The following NRG3 variants were observed in gnomAD, a reference collection of about 807,000 sequenced individuals.
The protein encoded by NRG3 is pro-neuregulin-3, membrane-bound isoform.
In NRG3, 31 loss-of-function variants were observed where a neutral mutation model predicts 66.9. The ratio of observed to expected loss-of-function variants is 0.46; its 90% confidence interval spans 0.35 to 0.63. The LOEUF (loss-of-function observed/expected upper bound fraction) is 0.63. Among genes scored for constraint, NRG3 ranks in the 20% least tolerant of loss-of-function variants. The pLI is 0.00. For synonymous variants in NRG3, 393 were observed against 359.4 expected (o/e 1.09, Z -1.06); for missense variants, 910 against 878.9 (o/e 1.04, Z -0.45).
intron 1 of NRG3, among the ~76,000 whole-genome samples, chr10:82,278,705 G>A (rs6584612): frequency 0.48 from 72,206 of 151,926 alleles, 20,724 homozygotes; most frequent in African/African-American, 0.81. Flanking sequence ...CTTTGTTCTG[G>A]TCCTTTTCTC....
intron 2 of NRG3, among the ~76,000 whole-genome samples, chr10:82,431,405 G>A (rs111856853): frequency 1.8e-3 from 274 of 152,288 alleles, no homozygotes; most frequent in African/African-American, 6.2e-3. Context: ...GAATGAGAAT[G>A]CAGTTAGTGA....
chr10:82,395,790 A>C (rs1248730115), intron 2 of NRG3, among the ~76,000 whole-genome samples: 1 of 152,196 alleles, frequency 6.6e-6, no homozygotes, highest in Non-Finnish European at 1.5e-5. Context: ...AACATGACCA[A>C]TTAAAGCTGA....
intron 2 of NRG3, among the ~76,000 whole-genome samples, chr10:82,428,255 C>A (rs1020741138): frequency 1.3e-5 from 2 of 151,558 alleles, no homozygotes; most frequent in Admixed American, 6.6e-5. Context: ...CTTATTTCTC[C>A]ACTTTCTTAA....
At chr10:81,883,854 T>C (rs1386744562) in intron 1 of NRG3, among the ~76,000 whole-genome samples, 2 of 152,308 alleles carry the variant, frequency 1.3e-5, no homozygotes, top group South Asian at 2.1e-4. Context: ...CTTTTAGTAA[T>C]GTAGAAGGAT....
At chr10:82,676,545 A>G (rs1035490739) in intron 2 of NRG3, among the ~76,000 whole-genome samples, 3 of 151,954 alleles carry the variant, frequency 2.0e-5, no homozygotes, top group Non-Finnish European at 4.4e-5. Context: ...GTGCAGTGGC[A>G]CAATCTTGGC....
chr10:82,082,106 G>T (rs550898457), intron 1 of NRG3, among the ~76,000 whole-genome samples: 109 of 152,200 alleles, frequency 7.2e-4, no homozygotes, highest in African/African-American at 2.5e-3. Flanking sequence ...TTAACCTAAG[G>T]TTGTGTCATC....
intron 2 of NRG3, among the ~76,000 whole-genome samples, chr10:82,702,809 T>C (rs2055987002): frequency 6.6e-6 from 1 of 152,126 alleles, no homozygotes; most frequent in African/African-American, 2.4e-5. Flanking sequence ...TCTGAGTAAA[T>C]AATAAGGGAC....
chr10:82,480,154 T>G (rs942797017), intron 2 of NRG3, among the ~76,000 whole-genome samples: 1 of 152,202 alleles, frequency 6.6e-6, no homozygotes, highest in African/African-American at 2.4e-5. Context: ...AATTCACAAA[T>G]TTAATTAGGA....
intron 1 of NRG3, among the ~76,000 whole-genome samples, chr10:82,164,228 T>G (rs1564623307): frequency 6.6e-6 from 1 of 152,148 alleles, no homozygotes; most frequent in Non-Finnish European, 1.5e-5. Flanking sequence ...AATTTTTTAA[T>G]TGGTACATAA....
At position 82,671,551 on chromosome 10, in the gene NRG3, G is replaced by A. The variant is rs571151991; in HGVS notation, c.954-67026G>A. Among the ~76,000 whole-genome samples the A allele has an allele frequency of 2.0e-5, 3 of 152,322 alleles. No homozygotes were observed. In the East Asian group the frequency reaches 5.8e-4, roughly 29 times the overall value. Reference sequence around the variant, plus strand: ...TGGAAGCACTGCTGAACAGGGTGCAGAGCTTGGACTTCAGGTTGGACAGCT... The same window carrying A: ...TGGAAGCACTGCTGAACAGGGTGCAAAGCTTGGACTTCAGGTTGGACAGCT... On this transcript the variant is annotated intron_variant, in intron 2 of 8. Transcript: ENST00000372141.
intron 1 of NRG3, among the ~76,000 whole-genome samples, chr10:81,902,121 G>A (rs1038793229): frequency 3.3e-5 from 5 of 152,098 alleles, no homozygotes; most frequent in African/African-American, 9.7e-5. Context: ...TTTCCTCATT[G>A]TTCTCTCTAT....
chr10:81,877,383 A>T lies in NRG3; in HGVS notation c.823+1220A>T, dbSNP rs1297011654. Among the ~76,000 whole-genome samples, 3 of 152,074 alleles carry T rather than the reference A, an allele frequency of 2.0e-5. No homozygotes were observed. In the East Asian group the frequency reaches 5.8e-4, roughly 29 times the overall value. On this transcript the variant is annotated intron_variant, in intron 1 of 8. Coordinates refer to ENST00000372141, the MANE Select transcript of NRG3 (RefSeq NM_001010848.4). ...TCTGTGCAAGGCTATTTTGCAAAAA[A>T]CTGTCTGGTTATGCTGTCTTTATAT...
At chr10:82,393,393 CA>C (rs1454844237) in intron 2 of NRG3, among the ~76,000 whole-genome samples, 1 of 152,102 alleles carries the variant, frequency 6.6e-6, no homozygotes, top group Non-Finnish European at 1.5e-5. Flanking sequence ...GGGAAAGACT[CA>C]GCTCTGTGTA....
At chr10:82,051,202 A>G (rs2063574922) in intron 1 of NRG3, among the ~76,000 whole-genome samples, 1 of 152,166 alleles carries the variant, frequency 6.6e-6, no homozygotes. Context: ...AGATAAAAGG[A>G]CATTAATTTT....
intron 3 of NRG3, among the ~76,000 whole-genome samples, chr10:82,764,369 T>C (rs1177175042): frequency 7.5e-6 from 1 of 134,190 alleles, no homozygotes; most frequent in South Asian, 2.5e-4. Flanking sequence ...CATTGCCCTA[T>C]GCAAATTTTT....
intron 2 of NRG3, among the ~76,000 whole-genome samples, chr10:82,573,919 C>T (rs916077413): frequency 2.0e-5 from 3 of 151,500 alleles, no homozygotes; most frequent in Non-Finnish European, 3.0e-5. Flanking sequence ...CTAAATTTGG[C>T]GAAAGAAGAA....
chr10:82,097,073 G>C (rs895430018), intron 1 of NRG3, among the ~76,000 whole-genome samples: 2 of 151,962 alleles, frequency 1.3e-5, no homozygotes, highest in African/African-American at 4.8e-5. Context: ...AATTTCTTTT[G>C]TGTTACCCAT....
chr10:81,957,051 C>G (rs1187993902), intron 1 of NRG3, among the ~76,000 whole-genome samples: 1 of 152,188 alleles, frequency 6.6e-6, no homozygotes, highest in African/African-American at 2.4e-5. Context: ...AAGATTAATT[C>G]TCACCAGTAA....
At chr10:82,575,938 A>G (rs1319555005) in intron 2 of NRG3, among the ~76,000 whole-genome samples, 1 of 151,732 alleles carries the variant, frequency 6.6e-6, no homozygotes, top group Non-Finnish European at 1.5e-5. Context: ...GGGTCTCCGT[A>G]TTCTTCTACT....
Sources: gnomAD v4.1 joint callset for allele counts (sites outside exome capture counted in the v4.1 genomes callset) on GRCh38, gnomAD v4.1.1 for gene constraint, MANE v1.5 for transcripts, NCBI Gene and HGNC (gene_info 2026-07-23, HGNC 2026-07-21) for gene names.